The following GALNT17 variants were observed in gnomAD, a reference collection of about 807,000 sequenced individuals.
GALNT17 encodes UDP-GalNAc:polypeptide N-acetylgalactosaminyltransferase-like 3.
GALNT17 carries 29 observed loss-of-function variants against 63.7 expected under a neutral mutation model. The observed-to-expected ratio is 0.46, with a 90% CI of 0.34 to 0.62. GALNT17 has a LOEUF of 0.62. Among genes scored for constraint, GALNT17 ranks in the 20% least tolerant of loss-of-function variants. The pLI is 0.01. For missense variants in GALNT17, 603 were observed against 799.6 expected (o/e 0.75, Z 2.97); for synonymous variants, 305 against 318.3 (o/e 0.96, Z 0.45).
At chr7:71,212,941 T>A in intron 1 of GALNT17, among the ~76,000 whole-genome samples, 1 of 152,216 alleles carries the variant, frequency 6.6e-6, no homozygotes, top group East Asian at 1.9e-4. Flanking sequence ...GATGAGACTT[T>A]GGACTGTGGA....
At position 71,233,577 on chromosome 7, in the gene GALNT17, C is replaced by A. The variant is rs150355909; in HGVS notation, c.238+100537C>A. ...TGGCCATATGGGAAGCCAGGATGATCAGAAGGTTGCTCTGGGAGCCTATAT... is the reference window on the plus strand; with the variant it reads ...TGGCCATATGGGAAGCCAGGATGATAAGAAGGTTGCTCTGGGAGCCTATAT... On this transcript the variant is annotated intron_variant, in intron 1 of 10. Coordinates refer to ENST00000333538, the MANE Select transcript of GALNT17 (RefSeq NM_022479.3). Among the ~76,000 whole-genome samples the A allele has an allele frequency of 8.4e-4, 128 of 152,282 alleles. 1 individual carries two copies. Among genetic ancestry groups the A allele is most frequent in the Middle Eastern group, 3.4e-3 (1 of 294 alleles).
At chr7:71,220,157 G>A (rs1236488458) in intron 1 of GALNT17, among the ~76,000 whole-genome samples, 2 of 152,178 alleles carry the variant, frequency 1.3e-5, no homozygotes, top group East Asian at 3.9e-4. Flanking sequence ...GTCCATTTAT[G>A]CAAATGAAGG....
chr7:71,385,301 G>A (rs1792921058), intron 2 of GALNT17, among the ~76,000 whole-genome samples: 1 of 152,162 alleles, frequency 6.6e-6, no homozygotes, highest in Non-Finnish European at 1.5e-5. Context: ...CACCTGCCCA[G>A]CCCGGCAGTC....
chr7:71,578,974 A>G (rs1789583593), intron 6 of GALNT17, among the ~76,000 whole-genome samples: 1 of 152,180 alleles, frequency 6.6e-6, no homozygotes. Context: ...CAAATTTGCT[A>G]CATCCATTGA....
Position 71,598,326 on chromosome 7 carries a change from G to A in GALNT17, c.1080+26924G>A, listed in dbSNP as rs554111530. On this transcript the variant is annotated intron_variant, in intron 6 of 10. Transcript: ENST00000333538. ...AAAACTCATATTCTAGAAGAGATGT[G>A]TCACTCTGATAATCCTGGTTGACTC... Among the ~76,000 whole-genome samples the A allele has an allele frequency of 3.5e-4, 53 of 152,164 alleles. 1 individual carries two copies. Among genetic ancestry groups the A allele is most frequent in the Admixed American group, 1.6e-3 (24 of 15,262 alleles).
intron 1 of GALNT17, among the ~76,000 whole-genome samples, chr7:71,166,510 C>G (rs1358018354): frequency 2.0e-5 from 3 of 152,210 alleles, no homozygotes; most frequent in African/African-American, 7.2e-5. Context: ...CTTCCTGTCC[C>G]TGCCATCCCT....
chr7:71,697,805 A>AT (rs1791566885), intron 9 of GALNT17, among the ~76,000 whole-genome samples: 1 of 151,990 alleles, frequency 6.6e-6, no homozygotes, highest in African/African-American at 2.4e-5. Context: ...TATTATTTAG[A>AT]TTTTTTTTCT....
chr7:71,224,942 A>G (rs906340878), intron 1 of GALNT17, among the ~76,000 whole-genome samples: 1 of 152,126 alleles, frequency 6.6e-6, no homozygotes, highest in African/African-American at 2.4e-5. Context: ...TTTTCTTGGC[A>G]ACTTCAGTCC....
intron 1 of GALNT17, among the ~76,000 whole-genome samples, chr7:71,173,331 G>A (rs555855531): frequency 6.6e-6 from 1 of 152,314 alleles, no homozygotes; most frequent in East Asian, 1.9e-4. Context: ...GGGTCATAGC[G>A]TGACTGGAGG....
chr7:71,395,204 A>G (rs1388963432), intron 3 of GALNT17, among the ~76,000 whole-genome samples: 1 of 152,236 alleles, frequency 6.6e-6, no homozygotes, highest in Non-Finnish European at 1.5e-5. Context: ...CATCACCTGC[A>G]AAATAAACCC....
intron 1 of GALNT17, among the ~76,000 whole-genome samples, chr7:71,321,938 TCCC>T (rs1791623235): frequency 4.0e-5 from 2 of 50,236 alleles, no homozygotes; most frequent in Admixed American, 5.5e-4. Context: ...CCTCCCTCCC[TCCC>T]TCCCTTCCTT....
intron 1 of GALNT17, among the ~76,000 whole-genome samples, chr7:71,261,984 A>G (rs1011409556): frequency 1.3e-5 from 2 of 152,176 alleles, no homozygotes; most frequent in African/African-American, 4.8e-5. Context: ...GAGGGGGTCT[A>G]CATCTTGGGC....
intron 6 of GALNT17, among the ~76,000 whole-genome samples, chr7:71,660,519 A>G (rs1360129236): frequency 2.0e-5 from 3 of 152,114 alleles, no homozygotes; most frequent in Non-Finnish European, 4.4e-5. Flanking sequence ...GCTGGTAAAC[A>G]CTGATGTAGA....
chr7:71,568,240 G>A (rs1039679626), intron 5 of GALNT17, among the ~76,000 whole-genome samples: 1 of 152,152 alleles, frequency 6.6e-6, no homozygotes, highest in Non-Finnish European at 1.5e-5. Context: ...CAGATGCTGA[G>A]TTCTATTCTG....
intron 6 of GALNT17, among the ~76,000 whole-genome samples, chr7:71,650,618 G>C (rs1181869487): frequency 6.6e-6 from 1 of 152,110 alleles, no homozygotes; most frequent in Non-Finnish European, 1.5e-5. Context: ...TGGCCCTTTG[G>C]TGTTGAAGAC....
intron 5 of GALNT17, among the ~76,000 whole-genome samples, chr7:71,524,750 A>G (rs540237816): frequency 7.2e-5 from 11 of 151,996 alleles, no homozygotes; most frequent in Non-Finnish European, 1.2e-4. Flanking sequence ...ACATGGCCTT[A>G]TTTTCTTAGT....
intron 5 of GALNT17, among the ~76,000 whole-genome samples, chr7:71,553,128 C>G (rs1399106602): frequency 6.6e-6 from 1 of 151,970 alleles, no homozygotes; most frequent in Non-Finnish European, 1.5e-5. Flanking sequence ...AGTCTGAGAC[C>G]ACCCTGGGCA....
chr7:71,187,688 G>A (rs998032974), intron 1 of GALNT17, among the ~76,000 whole-genome samples: 1 of 152,128 alleles, frequency 6.6e-6, no homozygotes, highest in Non-Finnish European at 1.5e-5. Flanking sequence ...CTGTGTGGGG[G>A]AATGGCTGAG....
At chr7:71,598,203 A>G (rs530957295) in intron 6 of GALNT17, among the ~76,000 whole-genome samples, 1 of 152,234 alleles carries the variant, frequency 6.6e-6, no homozygotes, top group South Asian at 2.1e-4. Context: ...TGGCCTCCCA[A>G]AGTTCTGGGA....
Sources: allele counts gnomAD v4.1 joint callset (sites outside exome capture counted in the v4.1 genomes callset), GRCh38; gene constraint gnomAD v4.1.1; transcripts MANE v1.5; gene names NCBI Gene and HGNC (gene_info 2026-07-23, HGNC 2026-07-21).